SV2C: variants seen among roughly 807,000 people sequenced by gnomAD.
The protein encoded by SV2C is solute carrier family 22 member B3.
In SV2C, 49 loss-of-function variants were observed where a neutral mutation model predicts 79.7. The ratio of observed to expected loss-of-function variants is 0.61; its 90% CI spans 0.49 to 0.78. The LOEUF is 0.78. SV2C is among the 30% of genes least tolerant of loss of function. The probability of loss-of-function intolerance (pLI) is 0.00; values close to 1 mark genes in which losing one functional copy is unlikely to be tolerated. For synonymous variants in SV2C, 334 were observed against 333.2 expected (o/e 1.00, Z -0.03); for missense variants, 833 against 912.9 (o/e 0.91, Z 1.13).
chr5:76,171,710 G>C (rs1212145660), intron 2 of SV2C, among the ~76,000 whole-genome samples: 1 of 137,332 alleles, frequency 7.3e-6, no homozygotes, highest in East Asian at 2.5e-4. Flanking sequence ...GGAGGGAGGT[G>C]GGGGGGTCAG....
chr5:76,057,285 T>G, the SV2C span, among the ~76,000 whole-genome samples: 6 of 152,190 alleles, frequency 3.9e-5, no homozygotes, highest in African/African-American at 9.6e-5. Flanking sequence ...ACGTGCAGGT[T>G]TGTTACATAT....
In SV2C at chr5:76,132,170, G is replaced by A; in HGVS notation, c.420G>A (p.Leu140=). The stretch of plus-strand genomic sequence containing the variant: ...AAGAGTTAGCCCAGCAGTATGAGCT[G>A]ATAATCCAAGAATGCGGTCATGGTC... ...DEEELAQQYE[L]IIQECGHGRF... Residue 140 remains leucine, a synonymous_variant, in exon 2 of 13, where the codon CTG becomes CTA. Transcript: ENST00000502798. 2 of 1,614,142 alleles carry A rather than the reference G, an allele frequency of 1.2e-6. No individual in the cohort carries two copies. The highest frequency in any genetic ancestry group is 1.7e-6 in the Non-Finnish European group (2 of 1,180,034).
the SV2C span, among the ~76,000 whole-genome samples, chr5:75,868,019 G>C: frequency 6.6e-6 from 1 of 152,196 alleles, no homozygotes. Context: ...AGGGATGAGA[G>C]TTATGACAGA....
chr5:76,041,239 T>C, the SV2C span, among the ~76,000 whole-genome samples: 1 of 152,208 alleles, frequency 6.6e-6, no homozygotes, highest in Non-Finnish European at 1.5e-5. Flanking sequence ...CTTGCATAAA[T>C]GTACCTGGAC....
At chr5:76,026,994 T>C in the SV2C span, among the ~76,000 whole-genome samples, 2 of 152,188 alleles carry the variant, frequency 1.3e-5, no homozygotes, top group Non-Finnish European at 2.9e-5. Flanking sequence ...TGCCAGCTTT[T>C]TAGCTTGGAT....
At chr5:76,052,510 C>T in the SV2C span, among the ~76,000 whole-genome samples, 17 of 152,314 alleles carry the variant, frequency 1.1e-4, no homozygotes, top group African/African-American at 4.1e-4. Flanking sequence ...TTCTGAAGCC[C>T]TAAGGTGCTG....
chr5:76,199,341 G>A (rs1475408012), intron 3 of SV2C, among the ~76,000 whole-genome samples: 1 of 152,046 alleles, frequency 6.6e-6, no homozygotes, highest in Admixed American at 6.6e-5. Flanking sequence ...GTGGGCCTCT[G>A]GTGCACATAG....
At chr5:75,866,940 A>G in the SV2C span, among the ~76,000 whole-genome samples, 4 of 152,078 alleles carry the variant, frequency 2.6e-5, no homozygotes, top group Admixed American at 2.0e-4. Context: ...TCCTCGGTGG[A>G]TTTAAGTATC....
chr5:75,870,720 T>G, the SV2C span, among the ~76,000 whole-genome samples: 2 of 152,082 alleles, frequency 1.3e-5, no homozygotes, highest in African/African-American at 2.4e-5. Flanking sequence ...CATTTAATAA[T>G]CAAACTCCAA....
chr5:76,082,618 CTCTA>C (rs1346514532), upstream of SV2C, among the ~76,000 whole-genome samples: 42 of 137,398 alleles, frequency 3.1e-4, no homozygotes, highest in Non-Finnish European at 4.8e-4. Flanking sequence ...CTCTCTCTCT[CTCTA>C]TCTCTCTCTC....
At chr5:75,978,080 G>A in the SV2C span, among the ~76,000 whole-genome samples, 1 of 151,984 alleles carries the variant, frequency 6.6e-6, no homozygotes, top group Non-Finnish European at 1.5e-5. Flanking sequence ...TTAAGCATTT[G>A]CCCCCTACCA....
chr5:76,144,193 G>C (rs1374877031), intron 2 of SV2C, among the ~76,000 whole-genome samples: 1 of 152,156 alleles, frequency 6.6e-6, no homozygotes, highest in Non-Finnish European at 1.5e-5. Flanking sequence ...TAGGAATGAA[G>C]AGCTATTTAT....
chr5:76,103,325 G>A (rs962039304), intron 1 of SV2C, among the ~76,000 whole-genome samples: 8 of 152,090 alleles, frequency 5.3e-5, no homozygotes, highest in East Asian at 1.9e-4. Context: ...AGTAAATAGC[G>A]TTGTTTTTCC....
intron 12 of SV2C, among the ~76,000 whole-genome samples, chr5:76,306,675 A>T (rs1748204347): frequency 6.6e-6 from 1 of 152,212 alleles, no homozygotes; most frequent in African/African-American, 2.4e-5. Flanking sequence ...AAAAAATACC[A>T]TAGGCACATA....
intron 12 of SV2C, among the ~76,000 whole-genome samples, chr5:76,307,548 G>T (rs970482080): frequency 6.6e-6 from 1 of 152,170 alleles, no homozygotes; most frequent in Admixed American, 6.5e-5. Flanking sequence ...TGGCCTAGGT[G>T]CAGGAGACTA....
At chr5:76,336,674 C>A (rs1421586233), downstream of SV2C, among the ~76,000 whole-genome samples, 2 of 152,166 alleles carry the variant, frequency 1.3e-5, no homozygotes, top group Admixed American at 6.5e-5. Context: ...GCGGACCACT[C>A]GCAGTTAGGA....
the SV2C span, among the ~76,000 whole-genome samples, chr5:75,999,375 AAGAGAG>A: frequency 0.051 from 6,890 of 134,662 alleles, 175 homozygotes; most frequent in Middle Eastern, 0.098. Flanking sequence ...GGGAGGGAGA[AAGAGAG>A]AGAGAGAGAG....
chr5:76,226,386 C>T (rs1745244992), intron 4 of SV2C, among the ~76,000 whole-genome samples: 1 of 152,134 alleles, frequency 6.6e-6, no homozygotes, highest in Non-Finnish European at 1.5e-5. Flanking sequence ...TTAGCAGCTA[C>T]TGAGCTGCAG....
chr5:76,264,218 T>G (rs1746569874), intron 4 of SV2C, among the ~76,000 whole-genome samples: 1 of 151,858 alleles, frequency 6.6e-6, no homozygotes, highest in African/African-American at 2.4e-5. Flanking sequence ...TCTGCTTGAT[T>G]GATTCAGCTA....
Sources: gnomAD v4.1 joint callset for allele counts (sites outside exome capture counted in the v4.1 genomes callset) on GRCh38, gnomAD v4.1.1 for gene constraint, MANE v1.5 for transcripts, NCBI Gene and HGNC (gene_info 2026-07-23, HGNC 2026-07-21) for gene names.